RARB: variants seen among roughly 807,000 people sequenced by gnomAD.
RARB encodes the protein HBV-activated protein.
Under a neutral mutation model 51.9 loss-of-function variants are expected in RARB, and 17 were observed. The observed-to-expected ratio is 0.33, with a 90% CI of 0.22 to 0.49. The LOEUF (loss-of-function observed/expected upper bound fraction) is 0.49, where lower values mean the gene tolerates loss of function less well. Ranked by LOEUF, RARB falls within the 20% of genes least tolerant of loss-of-function variation. The pLI is 0.99. For synonymous variants in RARB, 215 were observed against 195.4 expected (o/e 1.10, Z -0.84); for missense variants, 369 against 550.8 (o/e 0.67, Z 3.30).
chr3:25,210,460 T>TTCTCACCA (rs1701664455), intron 5 of RARB, among the ~76,000 whole-genome samples: 2 of 151,570 alleles, frequency 1.3e-5, no homozygotes, highest in Admixed American at 1.3e-4. Flanking sequence ...TATGGGTGTT[T>TTCTCACCA]TCTCACCACA....
intron 2 of RARB, among the ~76,000 whole-genome samples, chr3:25,478,313 T>C (rs1696058461): frequency 6.6e-6 from 1 of 152,228 alleles, no homozygotes; most frequent in African/African-American, 2.4e-5. Context: ...ATTGTGGCCA[T>C]CTTTGGAAAA....
chr3:25,189,651 C>T (rs529702389), intron 5 of RARB, among the ~76,000 whole-genome samples: 2 of 152,170 alleles, frequency 1.3e-5, no homozygotes, highest in Admixed American at 6.5e-5. Context: ...CTTTGAGAAG[C>T]TGAGGTGGGT....
At chr3:25,076,677 ATTTTGTTTTGTGAAAAACAAATT>A (rs1363797410) in intron 3 of RARB, among the ~76,000 whole-genome samples, 7 of 152,212 alleles carry the variant, frequency 4.6e-5, no homozygotes, top group Admixed American at 1.3e-4. Context: ...TAAAAGCTTA[ATTTTGTTTTGTGAAAAACAAATT>A]TTTTGTTTTG....
At chr3:25,016,156 T>C (rs1475347377) in intron 2 of RARB, among the ~76,000 whole-genome samples, 4 of 152,196 alleles carry the variant, frequency 2.6e-5, no homozygotes, top group African/African-American at 9.6e-5. Flanking sequence ...TAACAATTTT[T>C]GGAAGTGCTA....
intron 2 of RARB, among the ~76,000 whole-genome samples, chr3:25,496,718 G>A (rs761461364): frequency 1.3e-5 from 2 of 152,192 alleles, no homozygotes; most frequent in Non-Finnish European, 2.9e-5. Flanking sequence ...AGGAGAGGAA[G>A]CATCCATGTA....
chr3:25,435,755 TAAAC>T (rs1008416551), intron 1 of RARB, among the ~76,000 whole-genome samples: 1 of 152,180 alleles, frequency 6.6e-6, no homozygotes, highest in Non-Finnish European at 1.5e-5. Context: ...TTACATCAGA[TAAAC>T]AACAAATAAT....
intron 3 of RARB, among the ~76,000 whole-genome samples, chr3:25,116,422 T>C (rs1261334810): frequency 2.1e-5 from 2 of 95,424 alleles, no homozygotes; most frequent in Non-Finnish European, 4.8e-5. Flanking sequence ...AACATCTTAT[T>C]AAAGTTTACA....
chr3:25,019,482 C>CT (rs535990714), intron 2 of RARB, among the ~76,000 whole-genome samples: 79 of 148,602 alleles, frequency 5.3e-4, no homozygotes, highest in African/African-American at 1.2e-3. Context: ...GCCAAATTCC[C>CT]TTTTTTTTTT....
chr3:24,845,304 G>A (rs541176534), intron 1 of RARB, among the ~76,000 whole-genome samples: 6 of 152,294 alleles, frequency 3.9e-5, no homozygotes, highest in South Asian at 2.1e-4. Flanking sequence ...TAAATGTGAC[G>A]TGATATGTAG....
intron 5 of RARB, among the ~76,000 whole-genome samples, chr3:25,326,249 A>G (rs1010167326): frequency 1.3e-5 from 2 of 152,198 alleles, no homozygotes; most frequent in African/African-American, 4.8e-5. Context: ...TAAAGTCAAA[A>G]GTGGGAGGGA....
At chr3:25,208,201 A>AAC (rs1179733738) in intron 5 of RARB, among the ~76,000 whole-genome samples, 3 of 152,186 alleles carry the variant, frequency 2.0e-5, no homozygotes, top group Non-Finnish European at 4.4e-5. Flanking sequence ...ATTACATCTC[A>AAC]ACTGAAGATT....
chr3:25,072,039 G>T (rs905375261), intron 3 of RARB, among the ~76,000 whole-genome samples: 1 of 152,188 alleles, frequency 6.6e-6, no homozygotes, highest in South Asian at 2.1e-4. Context: ...TGTTGTCTTT[G>T]CCCTGTGGCG....
At chr3:24,881,529 A>G (rs2125357014) in intron 2 of RARB, among the ~76,000 whole-genome samples, 1 of 152,346 alleles carries the variant, frequency 6.6e-6, no homozygotes, top group East Asian at 1.9e-4. Flanking sequence ...GCATATTACG[A>G]CATTTCAAAT....
At chr3:25,003,864 T>C (rs1197937716) in intron 2 of RARB, among the ~76,000 whole-genome samples, 1 of 152,146 alleles carries the variant, frequency 6.6e-6, no homozygotes, top group African/African-American at 2.4e-5. Flanking sequence ...TGGGGCCCTA[T>C]AATTTGTTGA....
chr3:24,997,738 T>C (rs1243284729), intron 2 of RARB, among the ~76,000 whole-genome samples: 1 of 152,130 alleles, frequency 6.6e-6, no homozygotes, highest in Non-Finnish European at 1.5e-5. Flanking sequence ...TTTATAGCCA[T>C]TTGTGGGAAC....
chr3:24,967,142 C>G (rs4858673), intron 2 of RARB, among the ~76,000 whole-genome samples: 136,318 of 152,176 alleles, frequency 0.9, 61,245 homozygotes, highest in African/African-American at 0.95. Context: ...TGGCAACTCT[C>G]GGCCCGTGGG....
rs191394919 is a variant in RARB at position 25,322,652 on chromosome 3, C to T, written c.179-138541C>T. On this transcript the variant is annotated intron_variant, in intron 5 of 11. Transcript: ENST00000383772. ...AATCATATTTTTATAATGGCATAAG[C>T]ATGTATTGCATAAACAGTAAAATCT... is the stretch of plus-strand genomic sequence containing the variant. Among the ~76,000 whole-genome samples the T allele has an allele frequency of 5.9e-5, 9 of 152,240 alleles. No homozygotes were observed. The East Asian group carries it at 1.7e-3, about 29-fold the overall frequency.
At chr3:25,058,731 G>A (rs1363374031) in intron 2 of RARB, among the ~76,000 whole-genome samples, 3 of 151,472 alleles carry the variant, frequency 2.0e-5, no homozygotes, top group East Asian at 1.9e-4. Context: ...CCAACCAATT[G>A]ATTATGCAAT....
At chr3:25,357,833 T>C (rs1315068960) in intron 5 of RARB, among the ~76,000 whole-genome samples, 4 of 152,196 alleles carry the variant, frequency 2.6e-5, no homozygotes, top group Non-Finnish European at 5.9e-5. Context: ...TGTGGTGTTA[T>C]TTCTGAGACC....
Sources: gnomAD v4.1 joint callset for allele counts (sites outside exome capture counted in the v4.1 genomes callset) on GRCh38, gnomAD v4.1.1 for gene constraint, MANE v1.5 for transcripts, NCBI Gene and HGNC (gene_info 2026-07-23, HGNC 2026-07-21) for gene names.